Variants in JTB observed in about 807,000 individuals in gnomAD.
JTB encodes jumping translocation breakpoint.
In JTB, 10 loss-of-function variants were observed where a neutral mutation model predicts 22.1. That is an observed-to-expected ratio of 0.45 (90% CI 0.28 to 0.77). The LOEUF (loss-of-function observed/expected upper bound fraction) is 0.77. Among genes scored for constraint, JTB ranks in the 30% least tolerant of loss-of-function variants. JTB has a pLI of 0.13. For missense variants in JTB, 137 were observed against 180.3 expected, an observed-to-expected ratio of 0.76 and a Z score of 1.38; for synonymous variants, 83 against 66.8, an observed-to-expected ratio of 1.24 and a Z score of -1.18.
rs1026441760 is a variant in JTB, at chr1:153,974,580, C to G, written c.*99G>C. The G allele has an allele frequency of 9.9e-7, 1 of 1,009,116 alleles. No individual in the cohort carries two copies. The highest frequency in any genetic ancestry group is 2.4e-5 in the East Asian group (1 of 41,388). 62.5% of individuals were successfully genotyped at this position (1,009,116 alleles called of 1,614,324 possible). A position where few individuals can be genotyped will look rare whatever the true frequency, so the allele number is the denominator to read the frequency against. On this transcript the variant is annotated 3_prime_UTR_variant, in exon 5 of 5. Transcript: ENST00000271843. ...AGAAGATGGGGAAAAGGGGATTCCA[C>G]CACAAGGCTCCAAAGAACCAAGAGT...
At chr1:153,975,251 G>T (rs1648753069) in intron 4 of JTB, among the ~76,000 whole-genome samples, 1 of 151,438 alleles carries the variant, frequency 6.6e-6, no homozygotes, top group South Asian at 2.1e-4. Flanking sequence ...CTCCCAAGTA[G>T]CTGGGATTAC....
rs1648720982 is a variant in JTB, at chr1:153,974,745, G to C, written c.375C>G (p.Ile125Met). The C allele has an allele frequency of 1.9e-6, 3 of 1,613,804 alleles. No individual in the cohort carries two copies. The highest frequency in any genetic ancestry group is 2.5e-6 in the Non-Finnish European group (3 of 1,179,844). The change falls in exon 5 of 5, where the codon ATC becomes ATG. Residue 125 changes from isoleucine (I) to methionine (M), a missense_variant. Physicochemically the swap from Ile to Met is conservative, Grantham distance 10. Coordinates refer to ENST00000271843, the MANE Select transcript of JTB (RefSeq NM_006694.4). ...CVALIFACLV[I>M]IRQRQLDRKA... ...TTCTGTCCAATTGTCGCTGACGAAT[G>C]ATGACAAGACAAGCGAAGATCAGGG...
At chr1:153,975,669 C>T in intron 4 of JTB, 157 bp downstream of exon 4, 1 of 597,414 alleles carries the variant, frequency 1.7e-6, no homozygotes, top group Non-Finnish European at 2.9e-6. Context: ...ATCTGTTAGC[C>T]TCAGCCTCCC....
intron 3 of JTB, 53 bp from the exon 4 acceptor site, chr1:153,975,958 CA>C: frequency 1.5e-6 from 2 of 1,332,282 alleles, no homozygotes; most frequent in African/African-American, 1.4e-5. Flanking sequence ...ACAGGATAAA[CA>C]AAAAGGCTGC....
rs1199196713 is a variant in JTB at position 153,977,615 on chromosome 1, C to T, written c.-363G>A. The T allele has an allele frequency of 2.0e-6, 2 of 1,023,146 alleles. No homozygotes were observed. Among genetic ancestry groups the T allele is most frequent in the Non-Finnish European group, 2.3e-6 (2 of 853,632 alleles). The allele number at this position is 1,023,146 out of a possible 1,614,324, so 63.4% of individuals were successfully genotyped here. A position where few individuals can be genotyped will look rare whatever the true frequency, so the allele number is the denominator to read the frequency against. ...TCGGGCGCGGGACCGAGCTCGGGGCCCGGTGTTCCCGGGGGCGTTCGGTCG... is the reference window on the plus strand; with the variant it reads ...TCGGGCGCGGGACCGAGCTCGGGGCTCGGTGTTCCCGGGGGCGTTCGGTCG... On this transcript the variant is annotated 5_prime_UTR_variant, in exon 1 of 5. Coordinates refer to ENST00000271843, the MANE Select transcript of JTB (RefSeq NM_006694.4).
chr1:153,976,845 C>T, intron 2 of JTB, 70 bp from the exon 3 acceptor site: 2 of 1,597,998 alleles, frequency 1.3e-6, no homozygotes, highest in East Asian at 2.2e-5. Context: ...GCCCATCCAA[C>T]TTCCCGGCAC....
chr1:153,976,199 C>T (rs575906807), intron 3 of JTB, among the ~76,000 whole-genome samples: 1 of 152,340 alleles, frequency 6.6e-6, no homozygotes, highest in South Asian at 2.1e-4. Context: ...TGTGGCGGCT[C>T]ACGCCTATAA....
chr1:153,974,628 C>T lies in JTB; in HGVS notation c.*51G>A. ...AGTGCAAATCAGTCCATTTCACTTTCACTGTCTGAGATAGGGTCTCTAAGA... is the reference window on the plus strand; with the variant it reads ...AGTGCAAATCAGTCCATTTCACTTTTACTGTCTGAGATAGGGTCTCTAAGA... On this transcript the variant is annotated 3_prime_UTR_variant, in exon 5 of 5. Coordinates refer to ENST00000271843, the MANE Select transcript of JTB (RefSeq NM_006694.4). 1.3e-6 allele frequency: 2 copies of T among 1,522,312 alleles called. No homozygotes were observed. Among genetic ancestry groups the T allele is most frequent in the Non-Finnish European group, 1.8e-6 (2 of 1,109,018 alleles). 94.3% of individuals were successfully genotyped at this position (1,522,312 alleles called of 1,614,324 possible).
chr1:153,975,617 A>G (rs1166078192), intron 4 of JTB, among the ~76,000 whole-genome samples: 1 of 151,928 alleles, frequency 6.6e-6, no homozygotes, highest in Non-Finnish European at 1.5e-5. Flanking sequence ...ATGGGGTTTC[A>G]CCACGTTGGC....
rs181672276 is a variant in JTB, at chr1:153,975,366, G to A, written c.284+460C>T. On this transcript the variant is annotated intron_variant, in intron 4 of 4. Transcript: ENST00000271843. ...GAACTCCTAACCTCGTGATCCACCC[G>A]CCTCGGCCTCCCAAAGTGCTGGGAT... Among the ~76,000 whole-genome samples the A allele has an allele frequency of 1.1e-3, 166 of 147,190 alleles. 1 individual carries two copies. Among genetic ancestry groups the A allele is most frequent in the African/African-American group, 3.5e-3 (138 of 39,542 alleles).
At position 153,977,470 on chromosome 1, in the gene JTB, G is replaced by A. The variant is rs1648837096; in HGVS notation, c.-218C>T. 2 of 1,299,746 alleles carry A rather than the reference G, an allele frequency of 1.5e-6. No individual in the cohort carries two copies. The highest frequency in any genetic ancestry group is 1.5e-5 in the African/African-American group (1 of 65,534). The allele number at this position is 1,299,746 out of a possible 1,614,324, so 80.5% of individuals were successfully genotyped here. A position where few individuals can be genotyped will look rare whatever the true frequency, so the allele number is the denominator to read the frequency against. On this transcript the variant is annotated 5_prime_UTR_variant, in exon 1 of 5. Transcript: ENST00000271843. Reference sequence around the variant, plus strand: ...ATATGTTTTTGCGGGCTAGGGAGGCGAGCGCCTTCTGCGGGGTCCGCAGGG... The same window carrying A: ...ATATGTTTTTGCGGGCTAGGGAGGCAAGCGCCTTCTGCGGGGTCCGCAGGG...
chr1:153,975,955 A>C (rs1332144175), intron 3 of JTB, 50 bp from the exon 4 acceptor site: 1 of 1,362,208 alleles, frequency 7.3e-7, no homozygotes, highest in African/African-American at 1.4e-5. Context: ...GCAACAGGAT[A>C]AACAAAAAGG....
chr1:153,974,648 C>G lies in JTB; in HGVS notation c.*31G>C. On this transcript the variant is annotated 3_prime_UTR_variant, in exon 5 of 5. Coordinates refer to ENST00000271843, the MANE Select transcript of JTB (RefSeq NM_006694.4). ...ACTTTCACTGTCTGAGATAGGGTCT[C>G]TAAGACCCAGGATACAAGGGTGGAA... is the stretch of plus-strand genomic sequence containing the variant. 7 of 1,582,940 alleles carry G rather than the reference C, an allele frequency of 4.4e-6. No individual in the cohort carries two copies. Among genetic ancestry groups the G allele is most frequent in the Non-Finnish European group, 6.1e-6 (7 of 1,153,664 alleles).
Position 153,974,748 on chromosome 1 carries a change from G to A in JTB, c.372C>T (p.Val124=), listed in dbSNP as rs768030805. 2 of 1,613,754 alleles carry A rather than the reference G, an allele frequency of 1.2e-6. No homozygotes were observed. Among genetic ancestry groups the A allele is most frequent in the Admixed American group, 3.3e-5 (2 of 59,992 alleles). ...VCVALIFACL[V]IIRQRQLDRK... is the part of the protein sequence containing the mutation. ...TGTCCAATTGTCGCTGACGAATGATGACAAGACAAGCGAAGATCAGGGCCA... is the reference window on the plus strand; with the variant it reads ...TGTCCAATTGTCGCTGACGAATGATAACAAGACAAGCGAAGATCAGGGCCA... The change falls in exon 5 of 5, where the codon GTC becomes GTT. Residue 124 remains valine, a synonymous_variant. Transcript: ENST00000271843.
In JTB at chr1:153,977,651, G is replaced by T. The variant is rs1648848283; in HGVS notation, c.-399C>A. 1 of 996,944 alleles carries T rather than the reference G, an allele frequency of 1.0e-6. No homozygotes were observed. The highest frequency in any genetic ancestry group is 1.7e-5 in the African/African-American group (1 of 57,480). 61.8% of individuals were successfully genotyped at this position (996,944 alleles called of 1,614,324 possible). ...GGGGGCGTTCGGTCGTCGCCCGCTG[G>T]GGCTTATAGTCTTCCGCGTCGGTGG... On this transcript the variant is annotated 5_prime_UTR_variant, in exon 1 of 5. Transcript: ENST00000271843.
Position 153,975,898 on chromosome 1 carries a change from G to A in JTB, c.212C>T (p.Thr71Ile). The A allele has an allele frequency of 6.2e-7, 1 of 1,613,374 alleles. No individual in the cohort carries two copies. Among genetic ancestry groups the A allele is most frequent in the Non-Finnish European group, 8.5e-7 (1 of 1,179,344 alleles). Residue 71 changes from threonine to isoleucine, a missense_variant, in exon 4 of 5, where the codon ACC (threonine) becomes ATC (isoleucine). Transcript: ENST00000271843. ...ATATCCTGTGGGACCACACTCAGGG[G>A]TAGTTTTCTGCCAGGAGAAAAGGAG... Reference protein sequence around the residue: ...SPCSNFRAKTTPECGPTGYVE... With the variant: ...SPCSNFRAKTIPECGPTGYVE...
Position 153,974,692 on chromosome 1 carries a change from A to G in JTB, c.428T>C (p.Ile143Thr). The change falls in exon 5 of 5, where the codon ATC (isoleucine) becomes ACC (threonine). Residue 143 changes from isoleucine to threonine, a missense_variant. Ile to Thr is a moderately conservative substitution (Grantham distance 89). Transcript: ENST00000271843. ...RKALEKVRKQIESI is the reference protein window; with the variant it reads ...RKALEKVRKQTESI ...GGTGGAATGTAGCTATATGGACTCG[A>G]TTTGCTTCCGGACCTTTTCCAGAGC... is the stretch of plus-strand genomic sequence containing the variant. 1 of 1,612,794 alleles carries G rather than the reference A, an allele frequency of 6.2e-7. No individual in the cohort carries two copies. Among genetic ancestry groups the G allele is most frequent in the Non-Finnish European group, 8.5e-7 (1 of 1,178,884 alleles).
In JTB at chr1:153,977,429, A is replaced by AGG; in HGVS notation, c.-178_-177insCC. On this transcript the variant is annotated 5_prime_UTR_variant, in exon 1 of 5. Coordinates refer to ENST00000271843, the MANE Select transcript of JTB (RefSeq NM_006694.4). ...GATCTATCAGGACGTCCCCGTTGCCACAGCGAGAAAAATCGATATGTTTTT... is the reference window on the plus strand; with the variant it reads ...GATCTATCAGGACGTCCCCGTTGCCAGGCAGCGAGAAAAATCGATATGTTTTT... 11 of 1,378,920 alleles carry AGG rather than the reference A, an allele frequency of 8.0e-6. No homozygotes were observed. In the South Asian group the frequency reaches 1.6e-4, roughly 20 times the overall value. The allele number at this position is 1,378,920 out of a possible 1,614,324, so 85.4% of individuals were successfully genotyped here.
In JTB at chr1:153,977,002, G is replaced by T. The variant is rs1235096388; in HGVS notation, c.95C>A (p.Ala32Asp). The part of the protein sequence containing the change: ...AFTLKLCQAE[A>D]PVQEEKLSAS... ...TGACAGCTTCTCTTCCTGCACGGGA[G>T]CCTCTGCTTGGCTGTAGCGGAGTTG... Residue 32 changes from alanine (A) to aspartate (D), a missense_variant, in exon 2 of 5, where the codon GCT becomes GAT. Ala to Asp is a moderately radical substitution (Grantham distance 126). Transcript: ENST00000271843. 1 of 1,614,196 alleles carries T rather than the reference G, an allele frequency of 6.2e-7. No homozygotes were observed. Among genetic ancestry groups the T allele is most frequent in the Admixed American group, 1.7e-5 (1 of 60,026 alleles).
Sources: allele counts gnomAD v4.1 joint callset (sites outside exome capture counted in the v4.1 genomes callset), GRCh38; gene constraint gnomAD v4.1.1; transcripts MANE v1.5; gene names NCBI Gene and HGNC (gene_info 2026-07-23, HGNC 2026-07-21).